IQSEC1: variants seen among roughly 807,000 people sequenced by gnomAD.
The protein encoded by IQSEC1 is IQ motif and SEC7 domain-containing protein 1.
IQSEC1 carries 31 observed loss-of-function variants against 91.0 expected under a neutral mutation model. The observed-to-expected ratio is 0.34, with a 90% CI of 0.26 to 0.46. The LOEUF (loss-of-function observed/expected upper bound fraction) is 0.46. IQSEC1 is among the 20% of genes least tolerant of loss of function. IQSEC1 has a pLI of 1.00. For synonymous variants in IQSEC1, 699 were observed against 662.6 expected (o/e 1.05, Z -0.84); for missense variants, 1,388 against 1,575.6 (o/e 0.88, Z 2.02).
chr3:13,172,159 C>T (rs969114096), intron 1 of IQSEC1, among the ~76,000 whole-genome samples: 8 of 152,234 alleles, frequency 5.3e-5, no homozygotes, highest in Non-Finnish European at 7.3e-5. Flanking sequence ...GAGGGATAAA[C>T]ATTCGTGACA....
chr3:13,250,751 G>A (rs1695181195), intron 1 of IQSEC1, among the ~76,000 whole-genome samples: 1 of 151,874 alleles, frequency 6.6e-6, no homozygotes, highest in Admixed American at 6.6e-5. Context: ...GCAGGCATGA[G>A]CCACCGCACC....
rs766734654 is a variant in IQSEC1, at chr3:12,913,406, G to C, written c.2316+22C>G. The C allele has an allele frequency of 1.2e-5, 19 of 1,574,830 alleles. No homozygotes were observed. The African/African-American group carries it at 2.4e-4, about 20-fold the overall frequency. On this transcript the variant is annotated intron_variant, in intron 9 of 13. Transcript: ENST00000613206. ...TCAGGCTTGAGGTCCCTGCTACAAT[G>C]CCTTGTGGGTGAGCCACATACCACC...
intron 12 of IQSEC1, 118 bp from the exon 13 acceptor site, chr3:12,902,940 C>A (rs1694529978): frequency 1.3e-6 from 1 of 775,830 alleles, no homozygotes; most frequent in African/African-American, 1.7e-5. Flanking sequence ...GGCACAGGTG[C>A]CGGGCCCACC....
chr3:13,028,222 G>C (rs1461222444), intron 1 of IQSEC1, among the ~76,000 whole-genome samples: 2 of 152,228 alleles, frequency 1.3e-5, no homozygotes, highest in Non-Finnish European at 2.9e-5. Context: ...CCTGCCGAAT[G>C]AATGAATGAA....
intron 1 of IQSEC1, among the ~76,000 whole-genome samples, chr3:13,011,667 C>G (rs1702887677): frequency 6.6e-6 from 1 of 152,256 alleles, no homozygotes; most frequent in Non-Finnish European, 1.5e-5. Flanking sequence ...TGCTCACAGG[C>G]AGGTGGCTGT....
intron 1 of IQSEC1, among the ~76,000 whole-genome samples, chr3:13,230,039 G>T (rs1413180526): frequency 6.6e-6 from 1 of 152,174 alleles, no homozygotes; most frequent in African/African-American, 2.4e-5. Flanking sequence ...GGAATTAAAA[G>T]ATAAAAATAG....
At chr3:13,258,761 G>A (rs2125126792) in intron 1 of IQSEC1, among the ~76,000 whole-genome samples, 1 of 152,328 alleles carries the variant, frequency 6.6e-6, no homozygotes, top group African/African-American at 2.4e-5. Context: ...TGCAGCCAGT[G>A]AGGAGCACAA....
rs79204039 is a variant in IQSEC1 at position 13,256,029 on chromosome 3, G to A, written c.272+26682C>T. Among the ~76,000 whole-genome samples the A allele has an allele frequency of 6.6e-3, 1,012 of 152,314 alleles. 7 individuals carry two copies. Among genetic ancestry groups the A allele is most frequent in the African/African-American group, 0.023 (957 of 41,558 alleles). On this transcript the variant is annotated intron_variant, in intron 1 of 15. Coordinates refer to the IQSEC1 transcript ENST00000648114. ...GGCAGCCCCCACCACAAAGAGTGAA[G>A]TGGTCCAAGCTGCCAGTGGTGCCAA...
Position 12,935,739 on chromosome 3 carries a change from C to CG in IQSEC1, c.1276dup (p.Arg426ProfsTer23), listed in dbSNP as rs776859830. ...GTGGCTGTCCAGGGGCCTGGGGGGC[C>CG]GGGGCCGCAACTCAGGCTCCTCCCG... On this transcript the variant is annotated frameshift_variant, in exon 3 of 14. Coordinates refer to ENST00000613206, the MANE Select transcript of IQSEC1 (RefSeq NM_001134382.3). LOFTEE classifies it high-confidence loss of function. The surrounding 1 kb of genome is among the most constrained non-coding windows in gnomAD (Gnocchi z 8.0). 6.2e-7 allele frequency: 1 copy of CG among 1,610,752 alleles called. No homozygotes were observed. The highest frequency in any genetic ancestry group is 8.5e-7 in the Non-Finnish European group (1 of 1,179,748).
intron 2 of IQSEC1, among the ~76,000 whole-genome samples, chr3:13,102,664 T>C (rs1024401218): frequency 6.6e-6 from 1 of 152,158 alleles, no homozygotes; most frequent in African/African-American, 2.4e-5. Context: ...TCACGTCACA[T>C]GCTCCCACTG....
At chr3:12,934,672 G>A (rs892836757) in intron 3 of IQSEC1, among the ~76,000 whole-genome samples, 1 of 152,136 alleles carries the variant, frequency 6.6e-6, no homozygotes, top group East Asian at 1.9e-4. Flanking sequence ...GAGCCTGCAC[G>A]TTCCCCAGGC....
intron 1 of IQSEC1, among the ~76,000 whole-genome samples, chr3:13,213,677 T>C (rs997678488): frequency 2.0e-5 from 3 of 152,236 alleles, no homozygotes; most frequent in African/African-American, 7.2e-5. Context: ...CATTTAGTAA[T>C]TACCAGACTG....
chr3:13,127,417 C>G (rs1053679466), intron 2 of IQSEC1, among the ~76,000 whole-genome samples: 1 of 124,274 alleles, frequency 8.0e-6, no homozygotes, highest in Non-Finnish European at 1.6e-5. Context: ...TCTGTCTCAA[C>G]AACAACAACA....
In IQSEC1 at chr3:13,229,608, G is replaced by A. The variant is rs186018096; in HGVS notation, c.272+53103C>T. Among the ~76,000 whole-genome samples the A allele has an allele frequency of 6.4e-4, 97 of 152,310 alleles. 1 individual carries two copies. Among genetic ancestry groups the A allele is most frequent in the Admixed American group, 5.9e-4 (9 of 15,294 alleles). ...ACCTTGAGGGGTCAGCAGGGACTTC[G>A]TCAGGGAAAAGAGATCTGAGCTGGC... On this transcript the variant is annotated intron_variant, in intron 1 of 15. Transcript: ENST00000648114.
At chr3:12,993,276 G>C (rs1231932743) in intron 1 of IQSEC1, among the ~76,000 whole-genome samples, 1 of 152,214 alleles carries the variant, frequency 6.6e-6, no homozygotes, top group African/African-American at 2.4e-5. Flanking sequence ...GGTCACACGG[G>C]GTTGGGAGGC....
chr3:13,079,852 T>A (rs1705621927), intron 2 of IQSEC1, among the ~76,000 whole-genome samples: 1 of 152,220 alleles, frequency 6.6e-6, no homozygotes, highest in African/African-American at 2.4e-5. Context: ...ACTGACTGTT[T>A]CGATGGAAAT....
intron 12 of IQSEC1, among the ~76,000 whole-genome samples, chr3:12,907,364 G>A (rs1695092431): frequency 1.3e-5 from 2 of 152,188 alleles, no homozygotes; most frequent in South Asian, 4.1e-4. Flanking sequence ...AGGTGGGGCA[G>A]GCAACCCCAG....
intron 2 of IQSEC1, among the ~76,000 whole-genome samples, chr3:13,089,425 T>A (rs12489950): frequency 0.14 from 21,398 of 151,274 alleles, 1,686 homozygotes; most frequent in Middle Eastern, 0.21. Flanking sequence ...ACAGAAAAAA[T>A]TTTTTTTTAA....
rs1702154375 is a variant in IQSEC1, at chr3:12,994,693, G to A, written c.24-52828C>T. Among the ~76,000 whole-genome samples the A allele has an allele frequency of 6.6e-6, 1 of 152,210 alleles. No individual in the cohort carries two copies. The highest frequency in any genetic ancestry group is 2.1e-4 in the South Asian group (1 of 4,834). Reference sequence around the variant, plus strand: ...ACAGCAGGGAAGCCACTGGCCCAGAGGCGCACAGCTGCACCACGCTCCTCC... The same window carrying A: ...ACAGCAGGGAAGCCACTGGCCCAGAAGCGCACAGCTGCACCACGCTCCTCC... On this transcript the variant is annotated intron_variant, in intron 1 of 13. Coordinates refer to ENST00000613206, the MANE Select transcript of IQSEC1 (RefSeq NM_001134382.3). The surrounding 1 kb of genome is among the most constrained non-coding windows in gnomAD (Gnocchi z 4.5).
Sources: allele counts gnomAD v4.1 joint callset (sites outside exome capture counted in the v4.1 genomes callset), GRCh38; gene constraint gnomAD v4.1.1; non-coding constraint Gnocchi (gnomAD v3.1); transcripts MANE v1.5; gene names NCBI Gene and HGNC (gene_info 2026-07-23, HGNC 2026-07-21).